The following ENO1 variants were observed in gnomAD, a reference collection of about 807,000 sequenced individuals.
ENO1 encodes alpha-enolase.
In ENO1, 33 loss-of-function variants were observed where a neutral mutation model predicts 46.3. That is an observed-to-expected ratio of 0.71 (90% CI 0.54 to 0.95). The LOEUF is 0.95. ENO1 is among the 40% of genes least tolerant of loss of function. The pLI, the probability that ENO1 is intolerant of heterozygous loss-of-function variation, is 0.00. For synonymous variants in ENO1, 220 were observed against 216.0 expected, an observed-to-expected ratio of 1.02 and a Z score of -0.16; for missense variants, 488 against 553.3, an observed-to-expected ratio of 0.88 and a Z score of 1.18.
intron 2 of ENO1, among the ~76,000 whole-genome samples, chr1:8,872,940 C>T (rs1302098607): frequency 2.0e-5 from 3 of 152,170 alleles, no homozygotes; most frequent in Admixed American, 2.0e-4. Flanking sequence ...ATACCTGTAA[C>T]AAGGGCAATC....
intron 3 of ENO1, chr1:8,871,024 A>G: frequency 8.1e-7 from 1 of 1,239,480 alleles, no homozygotes; most frequent in Non-Finnish European, 1.0e-6. Flanking sequence ...TCTTCCACAA[A>G]TGCTTACTTA....
chr1:8,867,014 G>T, intron 6 of ENO1, 103 bp downstream of exon 6: 1 of 1,501,544 alleles, frequency 6.7e-7, no homozygotes, highest in South Asian at 1.3e-5. Context: ...TGTGCTGGGA[G>T]AGTCACATGT....
At chr1:8,870,627 G>T in intron 3 of ENO1, 117 bp from the exon 4 acceptor site, 1 of 1,538,926 alleles carries the variant, frequency 6.5e-7, no homozygotes, top group Non-Finnish European at 8.7e-7. Context: ...GACCTTCTGT[G>T]GGACCTCTTC....
At chr1:8,867,046 A>C in intron 6 of ENO1, 71 bp downstream of exon 6, 1 of 1,575,176 alleles carries the variant, frequency 6.3e-7, no homozygotes, top group Non-Finnish European at 8.6e-7. Flanking sequence ...AAGGCATAGG[A>C]GGTCTCGGGT....
At chr1:8,872,099 C>A in intron 2 of ENO1, 113 bp from the exon 3 acceptor site, 1 of 835,764 alleles carries the variant, frequency 1.2e-6, no homozygotes. Flanking sequence ...TTTCTTCCTC[C>A]TACCAGCTGT....
intron 6 of ENO1, 32 bp from the exon 7 acceptor site, chr1:8,866,533 T>C: frequency 6.2e-7 from 1 of 1,612,086 alleles, no homozygotes. Flanking sequence ...AGCATGGCAC[T>C]GGGTCCAGAG....
intron 8 of ENO1, among the ~76,000 whole-genome samples, chr1:8,864,517 G>C (rs1019894392): frequency 6.6e-6 from 1 of 152,064 alleles, no homozygotes; most frequent in African/African-American, 2.4e-5. Context: ...ATGTTCCCTA[G>C]GCTGATCTCA....
rs1195840244 is a variant in ENO1 at position 8,867,992 on chromosome 1, A to G, written c.306T>C (p.Asn102=). The G allele has an allele frequency of 1.9e-6, 3 of 1,613,460 alleles. No individual in the cohort carries two copies. Among genetic ancestry groups the G allele is most frequent in the Non-Finnish European group, 2.5e-6 (3 of 1,179,830 alleles). ...ACGCCACCTCAGGCCACTCACATTT[A>G]TTTTCTGTTCCATCCATCTCGATCA... The part of the protein sequence containing the change: ...KLMIEMDGTE[N]KSKFGANAIL... The change falls in exon 5 of 12, where the codon AAT becomes AAC. Residue 102 remains asparagine, a synonymous_variant. Transcript: ENST00000234590.
At chr1:8,865,640 C>T (rs1642495884) in intron 7 of ENO1, among the ~76,000 whole-genome samples, 158 bp from the exon 8 acceptor site, 1 of 152,114 alleles carries the variant, frequency 6.6e-6, no homozygotes. Context: ...TGCTTTGGGG[C>T]AAGAAACCAT....
intron 2 of ENO1, among the ~76,000 whole-genome samples, chr1:8,872,263 G>A (rs1424069258): frequency 1.3e-5 from 2 of 152,178 alleles, no homozygotes; most frequent in Non-Finnish European, 2.9e-5. Context: ...TTAAAATGTA[G>A]ATTCTGACCC....
intron 1 of ENO1, chr1:8,878,080 AGGCGGGGGCTACC>A (rs1185005271): frequency 6.5e-6 from 1 of 155,008 alleles, no homozygotes; most frequent in African/African-American, 2.4e-5. Flanking sequence ...CGCGGGCGAG[AGGCGGGGGCTACC>A]GGTGGGGGAG....
chr1:8,877,862 A>G (rs1050752142), intron 1 of ENO1: 2 of 136,728 alleles, frequency 1.5e-5, no homozygotes, highest in African/African-American at 2.6e-5. Flanking sequence ...AGCCTGGGCA[A>G]CAATAGCAAA....
chr1:8,865,188 T>TC, intron 8 of ENO1, 97 bp downstream of exon 8: 1 of 1,456,224 alleles, frequency 6.9e-7, no homozygotes, highest in Non-Finnish European at 9.5e-7. Flanking sequence ...TCCCTCCCCA[T>TC]CCCCTCCTTG....
chr1:8,864,862 C>T (rs2781068), intron 8 of ENO1, among the ~76,000 whole-genome samples: 123,361 of 152,110 alleles, frequency 0.81, 50,109 homozygotes, highest in East Asian at 0.94. Flanking sequence ...CAGCCATCAG[C>T]TTCCTCTCCT....
chr1:8,871,745 C>T lies in ENO1; in HGVS notation c.181+146G>A, dbSNP rs906913774. On this transcript the variant is annotated intron_variant, in intron 3 of 11. Coordinates refer to ENST00000234590, the MANE Select transcript of ENO1 (RefSeq NM_001428.5). ...ACTTTCCTGTCCACAAGGTGGTGCA[C>T]TGCTTCCATCAACATCATGGGTCAC... 33 of 1,254,854 alleles carry T rather than the reference C, an allele frequency of 2.6e-5. No individual in the cohort carries two copies. The Admixed American group carries it at 4.7e-4, about 18-fold the overall frequency. 77.7% of individuals were successfully genotyped at this position (1,254,854 alleles called of 1,614,324 possible). A position where few individuals can be genotyped will look rare whatever the true frequency, so the allele number is the denominator to read the frequency against.
intron 4 of ENO1, among the ~76,000 whole-genome samples, chr1:8,868,927 T>C (rs1402812784): frequency 6.6e-6 from 1 of 152,160 alleles, no homozygotes; most frequent in Non-Finnish European, 1.5e-5. Context: ...TCTGCCCACC[T>C]CAGCCTCCTA....
rs748691129 is a variant in ENO1, at chr1:8,865,383, T to TTCCCAGACCTGA, written c.755_766dup (p.Gly255_Lys256insIleArgSerGly). 1 of 1,614,206 alleles carries TTCCCAGACCTGA rather than the reference T, an allele frequency of 6.2e-7. No individual in the cohort carries two copies. The highest frequency in any genetic ancestry group is 1.1e-5 in the South Asian group (1 of 91,086). ...GGGAGACTTGAAGTCCAGGTCATAC[T>TTCCCAGACCTGA]TCCCAGACCTGAAGAACTCGGAGGC... On this transcript the variant is annotated inframe_insertion, in exon 8 of 12. Transcript: ENST00000234590.
chr1:8,862,877 C>G lies in ENO1; in HGVS notation c.1235+10G>C. On this transcript the variant is annotated intron_variant, in intron 11 of 11. Transcript: ENST00000234590. ...ACCACAGGCCCCTTGTTCTCAGGAG[C>G]CCTCCTTACCTGAGGAGCTGGTTGT... 1 of 1,613,590 alleles carries G rather than the reference C, an allele frequency of 6.2e-7. No individual in the cohort carries two copies. Among genetic ancestry groups the G allele is most frequent in the Non-Finnish European group, 8.5e-7 (1 of 1,179,640 alleles).
intron 1 of ENO1, among the ~76,000 whole-genome samples, chr1:8,876,797 G>GAA (rs568724753): frequency 3.0e-5 from 4 of 131,608 alleles, no homozygotes; most frequent in African/African-American, 5.5e-5. Context: ...CTCCGTCTCA[G>GAA]AAAAAAAAAA....
Sources: allele counts gnomAD v4.1 joint callset (sites outside exome capture counted in the v4.1 genomes callset), GRCh38; gene constraint gnomAD v4.1.1; transcripts MANE v1.5; gene names NCBI Gene and HGNC (gene_info 2026-07-23, HGNC 2026-07-21).